The following RFX3 variants were observed in gnomAD, a reference collection of about 807,000 sequenced individuals.
RFX3 encodes the protein transcription factor RFX3.
In RFX3, 14 loss-of-function variants were observed where a neutral mutation model predicts 98.6. The observed-to-expected ratio is 0.14, with a 90% confidence interval of 0.09 to 0.22. The LOEUF is 0.22. Ranked by LOEUF, RFX3 falls within the 10% of genes least tolerant of loss-of-function variation. The probability of loss-of-function intolerance (pLI) is 1.00; values close to 1 mark genes in which losing one functional copy is unlikely to be tolerated. For missense variants in RFX3, 639 were observed against 926.9 expected (o/e 0.69, Z 4.03); for synonymous variants, 383 against 328.4 (o/e 1.17, Z -1.80).
At chr9:3,524,703 G>C (rs1334494204) in intron 1 of RFX3, 1 of 806,614 alleles carries the variant, frequency 1.2e-6, no homozygotes, top group African/African-American at 1.9e-5. Context: ...TGCGGGGAAG[G>C]AGGATCATCA....
intron 1 of RFX3, among the ~76,000 whole-genome samples, chr9:3,425,406 T>G (rs1843916751): frequency 6.6e-6 from 1 of 152,260 alleles, no homozygotes; most frequent in African/African-American, 2.4e-5. Flanking sequence ...ATTACTTTTA[T>G]GATTTGAAAA....
chr9:3,374,117 A>C (rs1320683080), intron 2 of RFX3, among the ~76,000 whole-genome samples: 2 of 146,390 alleles, frequency 1.4e-5, no homozygotes, highest in Non-Finnish European at 3.0e-5. Context: ...CACACACACA[A>C]ACCCCACAAC....
rs1194774859 is a variant in RFX3, at chr9:3,277,469, T to C, written c.852-8A>G. The C allele has an allele frequency of 6.2e-7, 1 of 1,610,202 alleles. No homozygotes were observed. The highest frequency in any genetic ancestry group is 1.7e-5 in the Admixed American group (1 of 59,656). ...TTCTGCATAGGCTTGTACCTAAAAA[T>C]ATTAGATGGAAAAAAACAAATAAAC... is the stretch of plus-strand genomic sequence containing the variant. On this transcript the variant is annotated splice_region_variant and splice_polypyrimidine_tract_variant and intron_variant, in intron 7 of 16. Coordinates refer to ENST00000617270, the MANE Select transcript of RFX3 (RefSeq NM_001282116.2).
chr9:3,257,278 C>A, intron 13 of RFX3, 79 bp from the exon 14 acceptor site: 3 of 1,136,114 alleles, frequency 2.6e-6, no homozygotes, highest in South Asian at 2.7e-5. Context: ...ACACTAGATG[C>A]AAGAACAGAA....
intron 4 of RFX3, among the ~76,000 whole-genome samples, chr9:3,329,414 AAAAAAAAAAAAAAAC>A (rs1016919760): frequency 2.7e-5 from 4 of 149,486 alleles, no homozygotes; most frequent in African/African-American, 5.0e-5. Flanking sequence ...TCTCAAAAAA[AAAAAAAAAAAAAAAC>A]AAAAAACCAC....
intron 7 of RFX3, among the ~76,000 whole-genome samples, chr9:3,286,172 G>A (rs929775272): frequency 2.0e-5 from 3 of 151,660 alleles, no homozygotes. Flanking sequence ...ACTGTGTAGT[G>A]GTGCTATGCA....
chr9:3,408,662 A>G (rs947752729), intron 1 of RFX3, among the ~76,000 whole-genome samples: 2 of 151,902 alleles, frequency 1.3e-5, no homozygotes, highest in Non-Finnish European at 2.9e-5. Flanking sequence ...ACACACACAG[A>G]CAACAGGTCT....
intron 7 of RFX3, among the ~76,000 whole-genome samples, chr9:3,286,517 A>G (rs1053606487): frequency 6.6e-6 from 1 of 151,814 alleles, no homozygotes; most frequent in Admixed American, 6.6e-5. Flanking sequence ...TACACTGGAA[A>G]TTATGACTGT....
chr9:3,510,990 G>C (rs1817616807), intron 1 of RFX3, among the ~76,000 whole-genome samples: 1 of 151,860 alleles, frequency 6.6e-6, no homozygotes, highest in Non-Finnish European at 1.5e-5. Flanking sequence ...TATCACTTTG[G>C]TTATTTTGTA....
At chr9:3,517,154 C>G (rs1416941380) in intron 1 of RFX3, among the ~76,000 whole-genome samples, 1 of 152,134 alleles carries the variant, frequency 6.6e-6, no homozygotes, top group East Asian at 1.9e-4. Flanking sequence ...CTTCCCTTTC[C>G]CAGTGTCAAT....
intron 4 of RFX3, among the ~76,000 whole-genome samples, chr9:3,309,339 C>G (rs1241422966): frequency 1.3e-5 from 2 of 152,112 alleles, no homozygotes; most frequent in Non-Finnish European, 2.9e-5. Context: ...CTGTAGGGTA[C>G]AGGGCACCTA....
intron 15 of RFX3, among the ~76,000 whole-genome samples, chr9:3,238,064 G>A (rs1202715318): frequency 6.6e-6 from 1 of 152,104 alleles, no homozygotes; most frequent in Non-Finnish European, 1.5e-5. Context: ...TTCACAACGT[G>A]AGGACTGAAT....
At chr9:3,343,620 T>C (rs532960680) in intron 3 of RFX3, among the ~76,000 whole-genome samples, 1 of 152,312 alleles carries the variant, frequency 6.6e-6, no homozygotes, top group South Asian at 2.1e-4. Flanking sequence ...ATACTTATGG[T>C]CGCTAGTTGC....
intron 13 of RFX3, among the ~76,000 whole-genome samples, chr9:3,259,720 C>G (rs1401116218): frequency 6.6e-6 from 1 of 151,466 alleles, no homozygotes; most frequent in Non-Finnish European, 1.5e-5. Context: ...AAACAGGAAA[C>G]CAGTTATACT....
intron 1 of RFX3, among the ~76,000 whole-genome samples, chr9:3,443,607 G>C (rs975826590): frequency 6.6e-6 from 1 of 152,088 alleles, no homozygotes; most frequent in African/African-American, 2.4e-5. Flanking sequence ...GTCTATCATT[G>C]ATGGGCATTT....
chr9:3,415,918 T>C (rs1842941719), intron 1 of RFX3, among the ~76,000 whole-genome samples: 1 of 152,192 alleles, frequency 6.6e-6, no homozygotes, highest in Admixed American at 6.5e-5. Context: ...GAAGTTTTAT[T>C]CACTACCTAG....
intron 4 of RFX3, chr9:3,324,278 C>T (rs1259407823): frequency 9.9e-6 from 2 of 202,456 alleles, no homozygotes; most frequent in African/African-American, 2.3e-5. Context: ...GTGATTTATG[C>T]ATAATTTATG....
chr9:3,253,678 G>C (rs1210466396), intron 14 of RFX3, among the ~76,000 whole-genome samples: 3 of 152,046 alleles, frequency 2.0e-5, no homozygotes, highest in African/African-American at 7.2e-5. Context: ...TTCTCGGCAA[G>C]TTCATTTCTA....
intron 1 of RFX3, among the ~76,000 whole-genome samples, chr9:3,467,817 C>T (rs988902949): frequency 3.3e-5 from 5 of 152,142 alleles, no homozygotes; most frequent in East Asian, 1.9e-4. Context: ...TTCCCCTCCC[C>T]GCCTCCCACA....
Sources: allele counts gnomAD v4.1 joint callset (sites outside exome capture counted in the v4.1 genomes callset), GRCh38; gene constraint gnomAD v4.1.1; transcripts MANE v1.5; gene names NCBI Gene and HGNC (gene_info 2026-07-23, HGNC 2026-07-21).